Variants in RABL2A observed in about 807,000 individuals in gnomAD.
The protein encoded by RABL2A is rab-like protein 2A.
Under a neutral mutation model 30.7 loss-of-function variants are expected in RABL2A, and 17 were observed. The ratio of observed to expected loss-of-function variants is 0.55; its 90% CI spans 0.38 to 0.83. The LOEUF is 0.83. Among genes scored for constraint, RABL2A ranks in the 40% least tolerant of loss-of-function variants. RABL2A has a pLI of 0.00. For missense variants in RABL2A, 155 were observed against 272.6 expected, an observed-to-expected ratio of 0.57 and a Z score of 3.04; for synonymous variants, 64 against 101.8, an observed-to-expected ratio of 0.63 and a Z score of 2.24.
chr2:113,634,569 C>G (rs1057224), intron 4 of RABL2A: 1 of 445,402 alleles, frequency 2.2e-6, no homozygotes, highest in Non-Finnish European at 4.1e-6. Context: ...TTCAGGGGTT[C>G]TTACTCAGCC....
In RABL2A at chr2:113,632,555, C is replaced by T. The variant is rs531330315; in HGVS notation, c.108-360C>T. Among the ~76,000 whole-genome samples the T allele has an allele frequency of 3.2e-3, 480 of 152,364 alleles. 1 individual carries two copies. Among genetic ancestry groups the T allele is most frequent in the Non-Finnish European group, 5.2e-3 (353 of 68,040 alleles). On this transcript the variant is annotated intron_variant, in intron 2 of 8. Transcript: ENST00000683472. ...TGCTGGGATTACAGGCGTGAGCCAC[C>T]GCGCCCGACCGGGAAATGGCTTTTG...
At chr2:113,631,519 G>A (rs1223714297) in intron 2 of RABL2A, among the ~76,000 whole-genome samples, 1 of 152,120 alleles carries the variant, frequency 6.6e-6, no homozygotes, top group Non-Finnish European at 1.5e-5. Context: ...ATATTTTTGG[G>A]AAAAGAAGAC....
chr2:113,641,406 C>T lies in RABL2A; in HGVS notation c.463C>T (p.Pro155Ser), dbSNP rs1360197146. The change falls in exon 7 of 9, where the codon CCC (proline) becomes TCC (serine). Residue 155 changes from proline (P) to serine (S), a missense_variant. Physicochemically the swap from Pro to Ser is moderately conservative, Grantham distance 74 (BLOSUM62 -1). Coordinates refer to ENST00000683472, the MANE Select transcript of RABL2A (RefSeq NM_001306158.2). Reference sequence around the variant, plus strand: ...CAATTTTGCCAAGAAGTTCTCCCTGCCCCTGTATTTCGTCTCGGCTGCTGA... The same window carrying T: ...CAATTTTGCCAAGAAGTTCTCCCTGTCCCTGTATTTCGTCTCGGCTGCTGA... ...SFNFAKKFSL[P>S]LYFVSAADGT... is the part of the protein sequence containing the mutation. 11 of 1,611,862 alleles carry T rather than the reference C, an allele frequency of 6.8e-6. No individual in the cohort carries two copies. Among genetic ancestry groups the T allele is most frequent in the Non-Finnish European group, 4.2e-6 (5 of 1,179,128 alleles).
chr2:113,642,987 G>A lies in RABL2A; in HGVS notation c.*858G>A. The A allele has an allele frequency of 2.8e-6, 1 of 353,514 alleles. No individual in the cohort carries two copies. The highest frequency in any genetic ancestry group is 2.1e-5 in the South Asian group (1 of 47,898). 21.9% of individuals were successfully genotyped at this position (353,514 alleles called of 1,614,324 possible). A position where few individuals can be genotyped will look rare whatever the true frequency, so the allele number is the denominator to read the frequency against. On this transcript the variant is annotated 3_prime_UTR_variant, in exon 9 of 9. Transcript: ENST00000683472. ...ATAGCTATTCATTCCAGATTTCCGT[G>A]TACCCACTCTGTTTCAGGAGCTCTT...
intron 5 of RABL2A, chr2:113,637,868 G>T (rs1242644406): frequency 8.0e-7 from 1 of 1,243,232 alleles, no homozygotes; most frequent in African/African-American, 1.6e-5. Flanking sequence ...CTGAAGGCCT[G>T]GGGTGTCTCT....
chr2:113,629,487 C>T (rs1182500876), intron 2 of RABL2A, among the ~76,000 whole-genome samples: 2 of 151,934 alleles, frequency 1.3e-5, no homozygotes, highest in Non-Finnish European at 2.9e-5. Context: ...GTCTCTCTCT[C>T]TCTCTCTCTT....
At chr2:113,631,258 T>C (rs1260296595) in intron 2 of RABL2A, among the ~76,000 whole-genome samples, 2 of 152,188 alleles carry the variant, frequency 1.3e-5, no homozygotes. Context: ...TTGTCTTTTT[T>C]CTTTGATAGC....
At chr2:113,629,209 C>T (rs1679301195) in intron 2 of RABL2A, among the ~76,000 whole-genome samples, 2 of 152,180 alleles carry the variant, frequency 1.3e-5, no homozygotes, top group South Asian at 4.1e-4. Flanking sequence ...TGAAGGGAGG[C>T]TCTGCCGTGC....
intron 5 of RABL2A, among the ~76,000 whole-genome samples, chr2:113,636,982 CTG>C (rs1200034035): frequency 7.0e-6 from 1 of 142,170 alleles, no homozygotes; most frequent in Non-Finnish European, 1.5e-5. Flanking sequence ...GAGCGAGACT[CTG>C]TCTCAAAAAA....
At chr2:113,632,846 G>T in intron 2 of RABL2A, 69 bp from the exon 3 acceptor site, 1 of 1,613,700 alleles carries the variant, frequency 6.2e-7, no homozygotes, top group African/African-American at 1.3e-5. Flanking sequence ...GTCAGCCTTA[G>T]GGTGAAAAAG....
intron 2 of RABL2A, among the ~76,000 whole-genome samples, chr2:113,630,795 C>A (rs1438010787): frequency 2.0e-5 from 3 of 152,214 alleles, no homozygotes; most frequent in Non-Finnish European, 1.5e-5. Flanking sequence ...GCACATGCCA[C>A]CTTCCTGAGC....
chr2:113,637,954 C>T (rs549307683), intron 5 of RABL2A: 711 of 985,454 alleles, frequency 7.2e-4, no homozygotes, highest in Non-Finnish European at 8.2e-4. Flanking sequence ...AAGTAGAAAG[C>T]ACTTGCCTTC....
At chr2:113,636,805 A>T (rs793073) in intron 5 of RABL2A, among the ~76,000 whole-genome samples, 4 of 150,984 alleles carry the variant, frequency 2.6e-5, no homozygotes, top group African/African-American at 4.9e-5. Context: ...TGGCTAACAC[A>T]GTGAAACCCC....
chr2:113,629,773 C>T (rs1394494206), intron 2 of RABL2A, among the ~76,000 whole-genome samples: 6 of 152,152 alleles, frequency 3.9e-5, no homozygotes, highest in African/African-American at 9.7e-5. Context: ...CTCCTGACCT[C>T]GTGATCCGCC....
chr2:113,632,881 C>G (rs141467029), intron 2 of RABL2A, 34 bp from the exon 3 acceptor site: 2 of 1,614,046 alleles, frequency 1.2e-6, no homozygotes, highest in African/African-American at 1.3e-5. Flanking sequence ...GAGATGGAGA[C>G]GCCATCTGAC....
At chr2:113,638,344 A>G in intron 5 of RABL2A, 3 of 985,402 alleles carry the variant, frequency 3.0e-6, no homozygotes, top group Non-Finnish European at 3.6e-6. Context: ...TGCTTGCACA[A>G]ATAGCTGGGT....
At chr2:113,634,929 C>G (rs1242010720) in intron 4 of RABL2A, 122 bp from the exon 5 acceptor site, 1 of 940,794 alleles carries the variant, frequency 1.1e-6, no homozygotes, top group African/African-American at 1.6e-5. Context: ...GTCTCTGTTT[C>G]TCCCTGTGCT....
At chr2:113,634,933 C>A (rs906739192) in intron 4 of RABL2A, 118 bp from the exon 5 acceptor site, 109 of 963,086 alleles carry the variant, frequency 1.1e-4, no homozygotes, top group Admixed American at 2.1e-4. Flanking sequence ...CTGTTTCTCC[C>A]TGTGCTCCCC....
intron 2 of RABL2A, among the ~76,000 whole-genome samples, chr2:113,629,023 A>G (rs2104469863): frequency 6.6e-6 from 1 of 150,950 alleles, no homozygotes; most frequent in South Asian, 2.1e-4. Flanking sequence ...GTGGGAATGG[A>G]AAGACAAAAG....
Sources: allele counts gnomAD v4.1 joint callset (sites outside exome capture counted in the v4.1 genomes callset), GRCh38; gene constraint gnomAD v4.1.1; transcripts MANE v1.5; gene names NCBI Gene and HGNC (gene_info 2026-07-23, HGNC 2026-07-21).